Variants in ZC3H12B observed in about 807,000 individuals in gnomAD.
ZC3H12B encodes zinc finger CCCH-type containing 12B, also known as probable ribonuclease ZC3H12B.
In ZC3H12B, 7 loss-of-function variants were observed where a neutral mutation model predicts 43.9. The ratio of observed to expected loss-of-function variants is 0.16; its 90% CI spans 0.09 to 0.30. ZC3H12B has a LOEUF of 0.30. Ranked by LOEUF, ZC3H12B falls within the 10% of genes least tolerant of loss-of-function variation. ZC3H12B has a pLI of 1.00. For missense variants in ZC3H12B, 475 were observed against 670.2 expected (o/e 0.71, Z 3.22); for synonymous variants, 222 against 241.7 (o/e 0.92, Z 0.76).
the ZC3H12B span, among the ~76,000 whole-genome samples, chrX:65,083,126 C>T: frequency 4.5e-5 from 5 of 111,077 alleles, no homozygotes; most frequent in African/African-American, 1.3e-4. Flanking sequence ...ATAATAAAAG[C>T]CATATATGAC....
At chrX:65,261,321 C>T in the ZC3H12B span, among the ~76,000 whole-genome samples, 1 of 111,723 alleles carries the variant, frequency 9.0e-6, no homozygotes, top group Non-Finnish European at 1.9e-5. Flanking sequence ...TAATCAGCAA[C>T]GTCTTTAACC....
the ZC3H12B span, among the ~76,000 whole-genome samples, chrX:65,105,267 A>T: frequency 9.1e-6 from 1 of 110,341 alleles, no homozygotes; most frequent in Non-Finnish European, 1.9e-5. Context: ...GTGGGGGACA[A>T]GAAGAGGGAG....
the ZC3H12B span, among the ~76,000 whole-genome samples, chrX:65,323,998 A>G: frequency 9.0e-6 from 1 of 111,002 alleles, no homozygotes; most frequent in Non-Finnish European, 1.9e-5. Context: ...TTGTCTTTTG[A>G]GAAGGGTCTC....
chrX:65,430,398 G>A (rs1378815877), intron 3 of ZC3H12B, among the ~76,000 whole-genome samples: 1 of 107,540 alleles, frequency 9.3e-6, no homozygotes, highest in Non-Finnish European at 1.9e-5. Context: ...CAATGTGCAG[G>A]CTTGTTACAT....
the ZC3H12B span, among the ~76,000 whole-genome samples, chrX:65,193,351 A>G: frequency 2.7e-5 from 3 of 111,264 alleles, no homozygotes; most frequent in African/African-American, 6.5e-5. Context: ...GAATTTTTTC[A>G]TGGTTCAATC....
chrX:65,496,960 A>C (rs1161038109), intron 1 of ZC3H12B, among the ~76,000 whole-genome samples, 172 bp from the exon 7 acceptor site: 1 of 110,317 alleles, frequency 9.1e-6, no homozygotes, highest in Non-Finnish European at 1.9e-5. Flanking sequence ...AAAAAAAAAA[A>C]AAAAGAAAAA....
the ZC3H12B span, among the ~76,000 whole-genome samples, chrX:65,247,450 C>T: frequency 2.7e-5 from 3 of 112,367 alleles, no homozygotes; most frequent in Non-Finnish European, 3.8e-5. Context: ...ATGTTCATTG[C>T]AGCACTATTT....
chrX:65,220,087 T>C, the ZC3H12B span, among the ~76,000 whole-genome samples: 1 of 111,524 alleles, frequency 9.0e-6, no homozygotes, highest in Non-Finnish European at 1.9e-5. Context: ...TAGCCAAGAA[T>C]TTTGTATCCA....
the ZC3H12B span, among the ~76,000 whole-genome samples, chrX:65,336,309 C>A: frequency 5.4e-5 from 6 of 112,117 alleles, no homozygotes; most frequent in African/African-American, 1.9e-4. Flanking sequence ...CCCTGAGCGA[C>A]CCTGGCAACC....
the ZC3H12B span, among the ~76,000 whole-genome samples, chrX:65,233,905 C>A: frequency 9.0e-6 from 1 of 111,412 alleles, no homozygotes; most frequent in Non-Finnish European, 1.9e-5. Flanking sequence ...GCGGATACCA[C>A]AGAAATTGAA....
chrX:65,189,149 G>C, the ZC3H12B span, among the ~76,000 whole-genome samples: 1 of 105,201 alleles, frequency 9.5e-6, no homozygotes, highest in African/African-American at 3.6e-5. Context: ...TGACTGCATA[G>C]TATTCCATGG....
At chrX:65,326,058 T>G in the ZC3H12B span, among the ~76,000 whole-genome samples, 1 of 111,273 alleles carries the variant, frequency 9.0e-6, no homozygotes, top group Non-Finnish European at 1.9e-5. Flanking sequence ...TAACTCAAAA[T>G]AAAGACTTAA....
At chrX:65,408,316 G>C (rs1445085348) in intron 3 of ZC3H12B, 10 of 1,196,016 alleles carry the variant, frequency 8.4e-6, no homozygotes, top group African/African-American at 1.7e-5. Flanking sequence ...TGCACAAACA[G>C]ACTGAAATCG....
At chrX:65,099,859 G>T in the ZC3H12B span, among the ~76,000 whole-genome samples, 4 of 111,647 alleles carry the variant, frequency 3.6e-5, no homozygotes, top group Non-Finnish European at 5.6e-5. Flanking sequence ...TCCAGCAAGG[G>T]TGCAAACTGG....
At chrX:65,133,875 A>G in the ZC3H12B span, among the ~76,000 whole-genome samples, 1 of 110,690 alleles carries the variant, frequency 9.0e-6, no homozygotes, top group African/African-American at 3.3e-5. Flanking sequence ...GGAGGGACCA[A>G]TGTGTAAAAG....
the ZC3H12B span, among the ~76,000 whole-genome samples, chrX:65,180,284 G>T: frequency 8.9e-6 from 1 of 111,744 alleles, no homozygotes; most frequent in Non-Finnish European, 1.9e-5. Context: ...TGTAGAAAAA[G>T]CGTTTGATAA....
chrX:65,231,155 A>G, the ZC3H12B span, among the ~76,000 whole-genome samples: 2 of 110,553 alleles, frequency 1.8e-5, no homozygotes, highest in African/African-American at 3.3e-5. Context: ...CATGATGACA[A>G]CCCCGAGCCA....
chrX:65,320,523 C>T, the ZC3H12B span, among the ~76,000 whole-genome samples: 1 of 111,489 alleles, frequency 9.0e-6, no homozygotes, highest in East Asian at 2.8e-4. Context: ...CAATGATATT[C>T]TCCAAAGAAA....
the ZC3H12B span, among the ~76,000 whole-genome samples, chrX:65,130,982 T>A: frequency 8.9e-6 from 1 of 112,065 alleles, no homozygotes; most frequent in African/African-American, 3.2e-5. Context: ...GAGAAGAGCT[T>A]TTATTAAAGA....
Sources: gnomAD v4.1 joint callset for allele counts (sites outside exome capture counted in the v4.1 genomes callset) on GRCh38, gnomAD v4.1.1 for gene constraint, MANE v1.5 for transcripts, NCBI Gene and HGNC (gene_info 2026-07-23, HGNC 2026-07-21) for gene names.